The following IL1RAPL2 variants were observed in gnomAD, a reference collection of about 807,000 sequenced individuals.
The protein encoded by IL1RAPL2 is interleukin 1 receptor accessory protein like 2.
IL1RAPL2 carries 3 observed loss-of-function variants against 44.1 expected under a neutral mutation model. That is an observed-to-expected ratio of 0.07 (90% CI 0.03 to 0.18). The LOEUF (loss-of-function observed/expected upper bound fraction) is 0.18, where lower values mean the gene tolerates loss of function less well. Ranked by LOEUF, IL1RAPL2 falls within the 10% of genes least tolerant of loss-of-function variation. The probability of loss-of-function intolerance (pLI) is 1.00; values close to 1 mark genes in which losing one functional copy is unlikely to be tolerated. For synonymous variants in IL1RAPL2, 181 were observed against 178.8 expected, an observed-to-expected ratio of 1.01 and a Z score of -0.10; for missense variants, 391 against 496.4, an observed-to-expected ratio of 0.79 and a Z score of 2.02.
intron 2 of IL1RAPL2, among the ~76,000 whole-genome samples, chrX:105,029,538 G>C (rs2031443491): frequency 9.4e-6 from 1 of 106,641 alleles, no homozygotes; most frequent in Non-Finnish European, 1.9e-5. Context: ...TGCTGAGAAT[G>C]ATGGTTTCCA....
chrX:105,661,352 C>T (rs2037718703), intron 6 of IL1RAPL2, among the ~76,000 whole-genome samples: 1 of 111,776 alleles, frequency 8.9e-6, no homozygotes, highest in Non-Finnish European at 1.9e-5. Flanking sequence ...TCACTGTCAG[C>T]CTTGGACAGG....
intron 2 of IL1RAPL2, among the ~76,000 whole-genome samples, chrX:104,862,973 G>T (rs181012942): frequency 9.0e-6 from 1 of 111,315 alleles, no homozygotes; most frequent in East Asian, 2.8e-4. Context: ...AGTGTTGGGG[G>T]TCTTTATGGG....
At chrX:105,073,904 T>C (rs984054798) in intron 2 of IL1RAPL2, among the ~76,000 whole-genome samples, 1 of 111,839 alleles carries the variant, frequency 8.9e-6, no homozygotes, top group Non-Finnish European at 1.9e-5. Context: ...TTTTTTCTTG[T>C]AAATTTGTTG....
intron 5 of IL1RAPL2, among the ~76,000 whole-genome samples, chrX:105,330,918 T>A (rs192805475): frequency 2.2e-4 from 24 of 111,597 alleles, no homozygotes; most frequent in African/African-American, 7.5e-4. Context: ...CAAATACAAA[T>A]CTGATCACGC....
intron 2 of IL1RAPL2, among the ~76,000 whole-genome samples, chrX:105,169,567 C>T (rs1403755567): frequency 8.5e-5 from 7 of 82,326 alleles, no homozygotes; most frequent in African/African-American, 2.0e-4. Context: ...TGCAGTGGTG[C>T]GGTCTTGGCT....
chrX:104,785,349 G>T (rs1932793146), intron 2 of IL1RAPL2, among the ~76,000 whole-genome samples: 1 of 111,609 alleles, frequency 9.0e-6, no homozygotes. Context: ...AAGTATTTTA[G>T]ACTTGAAAAT....
At chrX:105,347,586 T>C (rs1364008240) in intron 5 of IL1RAPL2, among the ~76,000 whole-genome samples, 1 of 109,333 alleles carries the variant, frequency 9.1e-6, no homozygotes, top group Admixed American at 1.0e-4. Context: ...ATCATCATCA[T>C]CATCATCATC....
At chrX:104,571,542 T>C (rs1160318508) in intron 1 of IL1RAPL2, among the ~76,000 whole-genome samples, 1 of 111,412 alleles carries the variant, frequency 9.0e-6, no homozygotes, top group Non-Finnish European at 1.9e-5. Context: ...GATCTGATGG[T>C]TTTATAAATG....
chrX:104,955,042 CAG>C (rs1925677492), intron 2 of IL1RAPL2, among the ~76,000 whole-genome samples: 1 of 112,142 alleles, frequency 8.9e-6, no homozygotes, highest in Non-Finnish European at 1.9e-5. Context: ...AGGGTTTACT[CAG>C]AAATTCCTAG....
intron 2 of IL1RAPL2, among the ~76,000 whole-genome samples, chrX:105,000,938 A>G (rs937143309): frequency 2.7e-5 from 3 of 111,292 alleles, no homozygotes; most frequent in Non-Finnish European, 5.7e-5. Context: ...AACCCCTAGC[A>G]TTGTCCAACA....
At chrX:104,661,770 A>C (rs1317419413) in intron 2 of IL1RAPL2, among the ~76,000 whole-genome samples, 1 of 111,883 alleles carries the variant, frequency 8.9e-6, no homozygotes, top group African/African-American at 3.2e-5. Flanking sequence ...CTCATTGCCA[A>C]TCAAAGAGAT....
chrX:104,811,393 T>G (rs1357110704), intron 2 of IL1RAPL2, among the ~76,000 whole-genome samples: 1 of 111,798 alleles, frequency 8.9e-6, no homozygotes. Flanking sequence ...AAGGGGAAAG[T>G]GCTGCTGAGA....
intron 1 of IL1RAPL2, among the ~76,000 whole-genome samples, chrX:104,642,970 T>C (rs1929963684): frequency 8.9e-6 from 1 of 112,186 alleles, no homozygotes; most frequent in Non-Finnish European, 1.9e-5. Context: ...TGTACATGAG[T>C]CTGACTGTAT....
chrX:104,618,356 C>T (rs1203725309), intron 1 of IL1RAPL2, among the ~76,000 whole-genome samples: 5 of 112,175 alleles, frequency 4.5e-5, no homozygotes. Flanking sequence ...ATGGGTGGGG[C>T]CAGACCAGGC....
chrX:105,342,561 A>G (rs2035079811), intron 5 of IL1RAPL2, among the ~76,000 whole-genome samples: 1 of 111,814 alleles, frequency 8.9e-6, no homozygotes, highest in Admixed American at 9.5e-5. Context: ...GAAGATCGCT[A>G]GATAGCTTCC....
Position 105,195,819 on chromosome X carries a change from A to G in IL1RAPL2, c.356+71A>G, listed in dbSNP as rs190422804. ...TTTTGAGTGGGACTTGAGTACATGT[A>G]GGTATGCCTCATGTTGTATAATGGA... On this transcript the variant is annotated intron_variant, in intron 3 of 10. Transcript: ENST00000372582. The G allele has an allele frequency of 7.2e-4, 722 of 1,001,849 alleles. 7 individuals are homozygous for G. The African/African-American group carries it at 0.012, about 17-fold the overall frequency. The allele number at this position is 1,001,849 out of a possible 1,213,427, so 82.6% of individuals were successfully genotyped here. A position where few individuals can be genotyped will look rare whatever the true frequency, so the allele number is the denominator to read the frequency against.
At chrX:104,578,325 A>G (rs1280371226) in intron 1 of IL1RAPL2, among the ~76,000 whole-genome samples, 1 of 112,221 alleles carries the variant, frequency 8.9e-6, no homozygotes, top group Non-Finnish European at 1.9e-5. Context: ...GGCTCCTACT[A>G]GTGCTATCTC....
intron 8 of IL1RAPL2, among the ~76,000 whole-genome samples, chrX:105,743,318 T>G: frequency 8.9e-6 from 1 of 111,739 alleles, no homozygotes. Flanking sequence ...TGTTCTTACA[T>G]CTGATCTCAT....
At chrX:105,534,801 C>CA (rs752802963) in intron 6 of IL1RAPL2, among the ~76,000 whole-genome samples, 33 of 111,603 alleles carry the variant, frequency 3.0e-4, no homozygotes, top group Admixed American at 4.8e-4. Flanking sequence ...CATCCATATG[C>CA]AAAAAACAAC....
Sources: gnomAD v4.1 joint callset for allele counts (sites outside exome capture counted in the v4.1 genomes callset) on GRCh38, gnomAD v4.1.1 for gene constraint, MANE v1.5 for transcripts, NCBI Gene and HGNC (gene_info 2026-07-23, HGNC 2026-07-21) for gene names.